Variants in AK4 observed in about 807,000 individuals in gnomAD.
AK4 encodes the protein adenylate kinase 4, mitochondrial.
A neutral mutation model predicts 24.6 loss-of-function variants in AK4; 13 were observed. The ratio of observed to expected loss-of-function variants is 0.53; its 90% CI spans 0.34 to 0.84. AK4 has a LOEUF of 0.84. AK4 is among the 40% of genes least tolerant of loss of function. The pLI, the probability that AK4 is intolerant of heterozygous loss-of-function variation, is 0.01. For synonymous variants in AK4, 88 were observed against 107.0 expected, an observed-to-expected ratio of 0.82 and a Z score of 1.10; for missense variants, 192 against 288.2, an observed-to-expected ratio of 0.67 and a Z score of 2.42.
intron 1 of AK4, among the ~76,000 whole-genome samples, chr1:65,183,790 G>C (rs141716141): frequency 3.6e-4 from 55 of 151,890 alleles, no homozygotes; most frequent in African/African-American, 1.3e-3. Context: ...CCAGCCTTAA[G>C]ATGATGCAGA....
intron 2 of AK4, among the ~76,000 whole-genome samples, chr1:65,201,760 G>T (rs1230563798): frequency 6.6e-6 from 1 of 152,154 alleles, no homozygotes; most frequent in African/African-American, 2.4e-5. Flanking sequence ...TATTAGGAAG[G>T]CTTCCTGGAG....
chr1:65,196,689 C>T (rs1165137318), intron 2 of AK4, among the ~76,000 whole-genome samples: 1 of 152,142 alleles, frequency 6.6e-6, no homozygotes, highest in African/African-American at 2.4e-5. Flanking sequence ...TTGTCTTGAA[C>T]TACTGGCCTC....
chr1:65,152,388 T>A (rs1246666521), intron 1 of AK4, among the ~76,000 whole-genome samples: 335 of 29,106 alleles, frequency 0.012, no homozygotes, highest in South Asian at 0.017. Flanking sequence ...ATATATATTT[T>A]TTTTTTTTTT....
At position 65,230,458 on chromosome 1, in the gene AK4, C is replaced by T. The variant is rs1394093142; in HGVS notation, c.*4281C>T. On this transcript the variant is annotated 3_prime_UTR_variant, in exon 5 of 5. Transcript: ENST00000327299. ...GAGGTCTTTGCTCAAATAATAAATA[C>T]CACATATTTCCAAGTGTGTTCAGGT... is the stretch of plus-strand genomic sequence containing the variant. 1.3e-5 allele frequency: 2 copies of T among 152,110 alleles called. No homozygotes were observed. Among genetic ancestry groups the T allele is most frequent in the South Asian group, 2.1e-4 (1 of 4,822 alleles). 9.4% of individuals were successfully genotyped at this position (152,110 alleles called of 1,614,324 possible).
intron 1 of AK4, among the ~76,000 whole-genome samples, chr1:65,159,038 C>T (rs763960228): frequency 3.9e-5 from 6 of 152,130 alleles, no homozygotes; most frequent in Non-Finnish European, 8.8e-5. Context: ...ACAACAGATC[C>T]AGGAGCAAGC....
chr1:65,189,210 C>T (rs1019848871), intron 1 of AK4, among the ~76,000 whole-genome samples: 3 of 152,010 alleles, frequency 2.0e-5, no homozygotes, highest in Non-Finnish European at 2.9e-5. Context: ...GCTGGGATTA[C>T]AGGCGTGAGC....
At chr1:65,179,705 T>C in intron 1 of AK4, among the ~76,000 whole-genome samples, 1 of 152,106 alleles carries the variant, frequency 6.6e-6, no homozygotes, top group East Asian at 1.9e-4. Context: ...CATGGTGGCA[T>C]GTGCCTGTAG....
intron 3 of AK4, among the ~76,000 whole-genome samples, chr1:65,222,473 T>C (rs1404022374): frequency 2.0e-5 from 3 of 152,202 alleles, no homozygotes; most frequent in African/African-American, 7.2e-5. Flanking sequence ...TCTTAACTCC[T>C]GTGTCAGTGG....
At chr1:65,151,289 A>T (rs76104106) in intron 1 of AK4, among the ~76,000 whole-genome samples, 10,536 of 152,078 alleles carry the variant, frequency 0.069, 570 homozygotes, top group Admixed American at 0.21. Flanking sequence ...CACATGTCTT[A>T]TTGATTCTAA....
chr1:65,196,167 T>C (rs1299201387), intron 2 of AK4, among the ~76,000 whole-genome samples: 1 of 152,196 alleles, frequency 6.6e-6, no homozygotes, highest in African/African-American at 2.4e-5. Flanking sequence ...AGGCACATGC[T>C]CTGCGGAGGA....
chr1:65,196,506 C>G (rs1651477196), intron 2 of AK4, among the ~76,000 whole-genome samples: 1 of 152,174 alleles, frequency 6.6e-6, no homozygotes, highest in South Asian at 2.1e-4. Context: ...CTCTCTGTCA[C>G]CCAGGCTGGA....
At chr1:65,176,256 T>G (rs1466649990) in intron 1 of AK4, among the ~76,000 whole-genome samples, 1 of 152,134 alleles carries the variant, frequency 6.6e-6, no homozygotes, top group Non-Finnish European at 1.5e-5. Context: ...TCCATGCATC[T>G]TTTTATCTTG....
chr1:65,203,737 GGA>G (rs1427604026), intron 2 of AK4, among the ~76,000 whole-genome samples: 1 of 152,070 alleles, frequency 6.6e-6, no homozygotes, highest in Non-Finnish European at 1.5e-5. Context: ...CCTGGGAGGC[GGA>G]GGTTGCAGTG....
At chr1:65,213,286 T>C (rs1296130122) in intron 2 of AK4, among the ~76,000 whole-genome samples, 1 of 152,108 alleles carries the variant, frequency 6.6e-6, no homozygotes, top group Non-Finnish European at 1.5e-5. Context: ...GGAAAGTAGA[T>C]TAAGGAGCTT....
At chr1:65,175,023 A>G (rs1478747669) in intron 1 of AK4, among the ~76,000 whole-genome samples, 9 of 152,238 alleles carry the variant, frequency 5.9e-5, no homozygotes, top group African/African-American at 1.9e-4. Context: ...CATTTTAAGA[A>G]TGTATAATAT....
At chr1:65,158,554 G>T (rs781764171) in intron 1 of AK4, among the ~76,000 whole-genome samples, 1 of 152,136 alleles carries the variant, frequency 6.6e-6, no homozygotes, top group Admixed American at 6.5e-5. Flanking sequence ...AGGCCGAAGT[G>T]CAGTGGTGTG....
chr1:65,195,852 T>G, intron 2 of AK4, among the ~76,000 whole-genome samples: 1 of 152,220 alleles, frequency 6.6e-6, no homozygotes, highest in East Asian at 1.9e-4. Context: ...TAAAAGTATT[T>G]AGCCAGGCAG....
chr1:65,163,628 A>G (rs1270925763), intron 1 of AK4, among the ~76,000 whole-genome samples: 1 of 152,220 alleles, frequency 6.6e-6, no homozygotes, highest in Non-Finnish European at 1.5e-5. Flanking sequence ...CCACAAGTGT[A>G]ACCTCCCGAT....
chr1:65,211,102 TG>T (rs139087719), intron 2 of AK4, among the ~76,000 whole-genome samples: 5,916 of 152,308 alleles, frequency 0.039, 184 homozygotes, highest in African/African-American at 0.091. Flanking sequence ...TAAACCATGC[TG>T]TACTCTGCAG....
Sources: gnomAD v4.1 joint callset for allele counts (sites outside exome capture counted in the v4.1 genomes callset) on GRCh38, gnomAD v4.1.1 for gene constraint, MANE v1.5 for transcripts, NCBI Gene and HGNC (gene_info 2026-07-23, HGNC 2026-07-21) for gene names.